GLIS2: variants seen among roughly 807,000 people sequenced by gnomAD.
GLIS2 encodes zinc finger protein GLIS2.
A neutral mutation model predicts 35.6 loss-of-function variants in GLIS2; 14 were observed. That is an observed-to-expected ratio of 0.39 (90% CI 0.26 to 0.61). The LOEUF (loss-of-function observed/expected upper bound fraction) is 0.61, where lower values mean the gene tolerates loss of function less well. Among genes scored for constraint, GLIS2 ranks in the 20% least tolerant of loss-of-function variants. The pLI, the probability that GLIS2 is intolerant of heterozygous loss-of-function variation, is 0.48. For synonymous variants in GLIS2, 368 were observed against 325.1 expected, an observed-to-expected ratio of 1.13 and a Z score of -1.42; for missense variants, 675 against 713.4, an observed-to-expected ratio of 0.95 and a Z score of 0.61.
At chr16:4,330,462 A>G (rs2053486522) in intron 1 of GLIS2, among the ~76,000 whole-genome samples, 1 of 152,174 alleles carries the variant, frequency 6.6e-6, no homozygotes, top group Non-Finnish European at 1.5e-5. Flanking sequence ...CCAGGCCACA[A>G]TCCCCAGCTG....
In GLIS2 at chr16:4,332,377, C is replaced by T. The variant is rs904139880; in HGVS notation, c.97C>T (p.Pro33Ser). The T allele has an allele frequency of 6.2e-7, 1 of 1,612,928 alleles. No homozygotes were observed. Among genetic ancestry groups the T allele is most frequent in the Non-Finnish European group, 8.5e-7 (1 of 1,180,028 alleles). ...GGAGAGGACGCTGGGTGTGGTCCGG[C>T]CCCGTGCTCTGCACAGGGAGCTGGG... ...KRERTLGVVR[P>S]RALHRELGLV... Residue 33 changes from proline (P) to serine (S), a missense_variant, in exon 2 of 7, where the codon CCC (proline) becomes TCC (serine). By Grantham distance (74) the Pro-to-Ser change is moderately conservative. Transcript: ENST00000433375. The surrounding 1 kb of genome is among the most constrained non-coding windows in gnomAD (Gnocchi z 5.4).
At chr16:4,315,271 C>G (rs929253003), upstream of GLIS2, 3 of 152,228 alleles carry the variant, frequency 2.0e-5, no homozygotes, top group African/African-American at 7.2e-5. Flanking sequence ...GTCTCACCAG[C>G]GTGAGGGGTT....
chr16:4,326,188 T>C (rs2053428582), intron 1 of GLIS2, among the ~76,000 whole-genome samples: 1 of 152,034 alleles, frequency 6.6e-6, no homozygotes, highest in Non-Finnish European at 1.5e-5. Context: ...GAGCTTGCAG[T>C]GAGCTGAGAT....
At chr16:4,318,773 G>A (rs1249241316) in intron 1 of GLIS2, among the ~76,000 whole-genome samples, 4 of 152,218 alleles carry the variant, frequency 2.6e-5, no homozygotes, top group Non-Finnish European at 5.9e-5. Flanking sequence ...TCAGGGTCTG[G>A]GCAGCCATAT....
At chr16:4,327,299 A>G (rs2053442150) in intron 1 of GLIS2, among the ~76,000 whole-genome samples, 1 of 152,230 alleles carries the variant, frequency 6.6e-6, no homozygotes, top group Admixed American at 6.5e-5. Flanking sequence ...GACAGCAGCT[A>G]CTGCCAGGCA....
At chr16:4,319,614 C>T (rs1000471602) in intron 1 of GLIS2, among the ~76,000 whole-genome samples, 19 of 152,346 alleles carry the variant, frequency 1.2e-4, no homozygotes, top group Admixed American at 3.9e-4. Flanking sequence ...TGGCCGCCTC[C>T]GCCCCACCCT....
chr16:4,316,760 C>T (rs1051992526), intron 1 of GLIS2, among the ~76,000 whole-genome samples: 1 of 152,160 alleles, frequency 6.6e-6, no homozygotes, highest in South Asian at 2.1e-4. Flanking sequence ...CGGGTCCTTC[C>T]TTGGACCTCG....
At chr16:4,324,122 C>G (rs1203950606) in intron 1 of GLIS2, among the ~76,000 whole-genome samples, 2 of 152,186 alleles carry the variant, frequency 1.3e-5, no homozygotes, top group African/African-American at 2.4e-5. Flanking sequence ...CCCTTGTGTT[C>G]CCACCCCGGG....
intron 1 of GLIS2, among the ~76,000 whole-genome samples, chr16:4,323,924 G>A (rs192919613): frequency 3.3e-5 from 5 of 152,338 alleles, no homozygotes; most frequent in East Asian, 1.9e-4. Context: ...AAGGCTCAGA[G>A]ACAGCAGGGC....
Position 4,332,634 on chromosome 16 carries a change from C to T in GLIS2, c.172+182C>T, listed in dbSNP as rs1472140781. ...TATGTCTGCAGGGAGGTGGGAGCTG[C>T]AGTGCCCAGCTCACGTGGCTGGCAC... On this transcript the variant is annotated intron_variant, in intron 2 of 6. Transcript: ENST00000433375. The surrounding 1 kb of genome is among the most constrained non-coding windows in gnomAD (Gnocchi z 5.4). 6.6e-6 allele frequency among the ~76,000 whole-genome samples: 1 copy of T among 152,258 alleles called. No individual in the cohort carries two copies. Among genetic ancestry groups the T allele is most frequent in the Non-Finnish European group, 1.5e-5 (1 of 68,048 alleles).
Position 4,332,119 on chromosome 16 carries a change from T to C in GLIS2, c.-66-96T>C, listed in dbSNP as rs2053502913. The C allele has an allele frequency of 1.1e-6, 1 of 922,696 alleles. No individual in the cohort carries two copies. Among genetic ancestry groups the C allele is most frequent in the African/African-American group, 1.6e-5 (1 of 61,006 alleles). The allele number at this position is 922,696 out of a possible 1,614,324, so 57.2% of individuals were successfully genotyped here. A position where few individuals can be genotyped will look rare whatever the true frequency, so the allele number is the denominator to read the frequency against. ...CCCTACCCAGGAGACAACCTCACAC[T>C]GCCCCCTGCTCCTGCTCCTGTTAGA... On this transcript the variant is annotated intron_variant, in intron 1 of 6. Transcript: ENST00000433375. This position sits in a 1 kb window ranked among gnomAD's most constrained non-coding sequence, Gnocchi z 5.4.
chr16:4,327,508 C>T (rs901582820), intron 1 of GLIS2, among the ~76,000 whole-genome samples: 1 of 152,202 alleles, frequency 6.6e-6, no homozygotes, highest in African/African-American at 2.4e-5. Context: ...GGACAGTGGC[C>T]GGCCCCGCCT....
chr16:4,317,524 C>G (rs1350419471), intron 1 of GLIS2, among the ~76,000 whole-genome samples: 1 of 152,138 alleles, frequency 6.6e-6, no homozygotes, highest in Non-Finnish European at 1.5e-5. Flanking sequence ...CCTCCCCAAG[C>G]CCCATTCTGG....
chr16:4,328,808 A>G (rs1347998593), intron 1 of GLIS2, among the ~76,000 whole-genome samples: 1 of 152,214 alleles, frequency 6.6e-6, no homozygotes, highest in Non-Finnish European at 1.5e-5. Context: ...CCCTAAGAAC[A>G]AGGTGACTCA....
chr16:4,325,047 C>T (rs1293628886), intron 1 of GLIS2, among the ~76,000 whole-genome samples: 3 of 152,208 alleles, frequency 2.0e-5, no homozygotes, highest in Non-Finnish European at 2.9e-5. Context: ...CAGCTGGTTC[C>T]CAGGAATCTG....
chr16:4,335,111 T>G lies in GLIS2; in HGVS notation c.574T>G (p.Tyr192Asp). 1.9e-6 allele frequency: 3 copies of G among 1,613,368 alleles called. No homozygotes were observed. Among genetic ancestry groups the G allele is most frequent in the Non-Finnish European group, 2.5e-6 (3 of 1,180,020 alleles). Residue 192 changes from tyrosine to aspartate, a missense_variant, in exon 5 of 7, where the codon TAC becomes GAC. Tyr to Asp is a radical substitution (Grantham distance 160, BLOSUM62 -3). Transcript: ENST00000433375. The surrounding 1 kb of genome is among the most constrained non-coding windows in gnomAD (Gnocchi z 4.6). ...LQDLVDHVND[Y>D]HVKPEKDAGY... ...AGACCTGGTGGACCATGTCAACGAT[T>G]ACCATGTCAAGCCCGAGAAGGATGC... is the stretch of plus-strand genomic sequence containing the variant.
At chr16:4,322,621 GC>G (rs5815203) in intron 1 of GLIS2, among the ~76,000 whole-genome samples, 7,247 of 148,618 alleles carry the variant, frequency 0.049, 642 homozygotes, top group African/African-American at 0.17. Context: ...TGCAGGAGCA[GC>G]CCCCCCCCTA....
intron 1 of GLIS2, among the ~76,000 whole-genome samples, chr16:4,321,508 C>G (rs2053379293): frequency 6.6e-6 from 1 of 152,200 alleles, no homozygotes; most frequent in Admixed American, 6.5e-5. Context: ...AGGGCAGGTA[C>G]CACTGTGCCA....
intron 1 of GLIS2, among the ~76,000 whole-genome samples, chr16:4,316,726 C>T (rs916551267): frequency 2.6e-5 from 4 of 152,116 alleles, no homozygotes; most frequent in African/African-American, 7.2e-5. Context: ...GGGAGAGTCT[C>T]CCTCCTGCTG....
Sources: allele counts gnomAD v4.1 joint callset (sites outside exome capture counted in the v4.1 genomes callset), GRCh38; gene constraint gnomAD v4.1.1; non-coding constraint Gnocchi (gnomAD v3.1); transcripts MANE v1.5; gene names NCBI Gene and HGNC (gene_info 2026-07-23, HGNC 2026-07-21).